Variants in PRKDC observed in about 807,000 individuals in gnomAD.
PRKDC encodes protein kinase, DNA-activated, catalytic subunit.
A neutral mutation model predicts 486.9 loss-of-function variants in PRKDC; 82 were observed. The observed-to-expected ratio is 0.17, with a 90% CI of 0.14 to 0.20. The LOEUF (loss-of-function observed/expected upper bound fraction) is 0.20, where lower values mean the gene tolerates loss of function less well. Ranked by LOEUF, PRKDC falls within the 10% of genes least tolerant of loss-of-function variation. The probability of loss-of-function intolerance (pLI) is 1.00; values close to 1 mark genes in which losing one functional copy is unlikely to be tolerated. For missense variants in PRKDC, 4,504 were observed against 5,038.2 expected (o/e 0.89, Z 3.21); for synonymous variants, 1,895 against 1,837.0 (o/e 1.03, Z -0.81).
intron 39 of PRKDC, among the ~76,000 whole-genome samples, chr8:47,878,563 C>T (rs549979458): frequency 5.9e-5 from 9 of 152,280 alleles, no homozygotes; most frequent in East Asian, 1.9e-4. Context: ...ACACCGTCCT[C>T]GCTACAGAGG....
rs118032022 is a variant in PRKDC, at chr8:47,839,956, G to A, written c.7454+60C>T. ...TGTGCCCCTGTACTCCAGCCTCGTC[G>A]ACAGAGCAAGACCTTATCTCAAAAA... is the stretch of plus-strand genomic sequence containing the variant. On this transcript the variant is annotated intron_variant, in intron 55 of 85. Transcript: ENST00000314191. 1,385 of 1,359,374 alleles carry A rather than the reference G, an allele frequency of 1.0e-3. 23 individuals are homozygous for A. In the East Asian group the frequency reaches 0.026, roughly 25 times the overall value. The allele number at this position is 1,359,374 out of a possible 1,614,324, so 84.2% of individuals were successfully genotyped here.
At position 47,783,813 on chromosome 8, in the gene PRKDC, A is replaced by C; in HGVS notation, c.11108-4T>G. On this transcript the variant is annotated splice_region_variant and splice_polypyrimidine_tract_variant and intron_variant, in intron 77 of 85. Coordinates refer to ENST00000314191, the MANE Select transcript of PRKDC (RefSeq NM_006904.7). The stretch of plus-strand genomic sequence containing the variant: ...TTTCCCCTACCGTCATACTGACCTA[A>C]AACAAACCAGAACCTTGCTTAGGAA... 1.9e-6 allele frequency: 3 copies of C among 1,613,938 alleles called. No individual in the cohort carries two copies. Among genetic ancestry groups the C allele is most frequent in the Non-Finnish European group, 2.5e-6 (3 of 1,179,850 alleles).
intron 54 of PRKDC, among the ~76,000 whole-genome samples, chr8:47,847,513 A>C (rs1427798283): frequency 6.6e-6 from 1 of 152,228 alleles, no homozygotes; most frequent in Non-Finnish European, 1.5e-5. Context: ...TACAGACTTC[A>C]ATGTAAGACT....
chr8:47,898,523 G>A lies in PRKDC; in HGVS notation c.3411C>T (p.Ile1137=). 3.8e-6 allele frequency: 6 copies of A among 1,563,858 alleles called. No homozygotes were observed. The highest frequency in any genetic ancestry group is 5.2e-6 in the Non-Finnish European group (6 of 1,147,576). Residue 1137 remains isoleucine (I), a synonymous_variant, in exon 29 of 86, where the codon ATC becomes ATT. Transcript: ENST00000314191. The part of the protein sequence containing the change: ...CCDAIDHLCR[I]IEKKHVSLNK... Reference sequence around the variant, plus strand: ...TTAAAGAAACATGCTTCTTTTCAATGATGCGGCATAGGTGATCAATGGCAT... The same window carrying A: ...TTAAAGAAACATGCTTCTTTTCAATAATGCGGCATAGGTGATCAATGGCAT...
chr8:47,775,775 G>T (rs944424327), intron 85 of PRKDC, among the ~76,000 whole-genome samples: 3 of 151,164 alleles, frequency 2.0e-5, no homozygotes, highest in Non-Finnish European at 4.4e-5. Context: ...CTAAAAAATG[G>T]CAAGTATCAC....
At chr8:47,789,966 AC>A (rs2086858394) in intron 74 of PRKDC, among the ~76,000 whole-genome samples, 1 of 152,240 alleles carries the variant, frequency 6.6e-6, no homozygotes, top group Admixed American at 6.5e-5. Flanking sequence ...CTAGTGTCAT[AC>A]TGAACACTGA....
intron 40 of PRKDC, among the ~76,000 whole-genome samples, chr8:47,871,603 T>C (rs1176849823): frequency 6.6e-6 from 1 of 152,096 alleles, no homozygotes; most frequent in Non-Finnish European, 1.5e-5. Flanking sequence ...GTTGTTGTTG[T>C]TTTTGTTTTT....
chr8:47,893,030 G>A, intron 31 of PRKDC, 109 bp downstream of exon 31: 3 of 1,295,586 alleles, frequency 2.3e-6, no homozygotes, highest in Non-Finnish European at 3.0e-6. Context: ...CGGGCAAGGT[G>A]GTGCACAGCA....
intron 18 of PRKDC, among the ~76,000 whole-genome samples, 165 bp downstream of exon 18, chr8:47,929,688 G>A (rs1326835969): frequency 1.3e-5 from 2 of 152,200 alleles, no homozygotes; most frequent in East Asian, 3.8e-4. Context: ...TAGCTTTTTA[G>A]AGTGCTATCC....
intron 68 of PRKDC, among the ~76,000 whole-genome samples, chr8:47,814,581 T>C (rs753278268): frequency 1.3e-5 from 2 of 152,036 alleles, no homozygotes; most frequent in Non-Finnish European, 2.9e-5. Flanking sequence ...AATCCATCTA[T>C]AACAGTGCCA....
intron 9 of PRKDC, 41 bp downstream of exon 9, chr8:47,943,812 G>C (rs1235119021): frequency 1.4e-6 from 2 of 1,459,552 alleles, no homozygotes; most frequent in Non-Finnish European, 1.9e-6. Flanking sequence ...TGTTAATTTA[G>C]TAATCTAAAA....
chr8:47,897,362 G>A (rs1287138259), intron 29 of PRKDC, 68 bp from the exon 30 acceptor site: 3 of 1,417,994 alleles, frequency 2.1e-6, no homozygotes, highest in Non-Finnish European at 2.8e-6. Flanking sequence ...CAAGGCTCTA[G>A]AAATCATAAA....
rs1231225809 is a variant in PRKDC at position 47,807,204 on chromosome 8, A to T, written c.9680T>A (p.Ile3227Asn). 1.9e-6 allele frequency: 3 copies of T among 1,613,758 alleles called. No homozygotes were observed. The African/African-American group carries it at 4.0e-5, about 22-fold the overall frequency. The change falls in exon 69 of 86, where the codon ATC becomes AAC. Residue 3227 changes from isoleucine (I) to asparagine (N), a missense_variant. Physicochemically the swap from Ile to Asn is moderately radical, Grantham distance 149 (BLOSUM62 -3). Coordinates refer to ENST00000314191, the MANE Select transcript of PRKDC (RefSeq NM_006904.7). ...CTTGCAACTCCTGATCAGGGAGCTG[A>T]TATCTTCTTCCTGCTCTTGCACTTC... ...RMEVQEQEED[I>N]SSLIRSCKFS...
chr8:47,796,588 A>AT lies in PRKDC; in HGVS notation c.10458+1648dup, dbSNP rs869195900. ...ATATGTGTTGCAAACGTTTTTCTTC[A>AT]TTTTTTTTTTTGTTGTTGTTGTTTT... On this transcript the variant is annotated intron_variant, in intron 73 of 85. Coordinates refer to ENST00000314191, the MANE Select transcript of PRKDC (RefSeq NM_006904.7). 4.1e-3 allele frequency among the ~76,000 whole-genome samples: 575 copies of AT among 139,664 alleles called. 4 individuals carry two copies. Among genetic ancestry groups the AT allele is most frequent in the African/African-American group, 0.013 (488 of 38,084 alleles). 91.6% of individuals were successfully genotyped at this position (139,664 alleles called of 152,430 possible).
Position 47,782,078 on chromosome 8 carries a change from G to T in PRKDC, c.11489+84C>A. ...CGGGGCAGGCAGTGTGGGCTCTCGA[G>T]CGCGCCTGTCACGGCCCCGACCTGC... On this transcript the variant is annotated intron_variant, in intron 80 of 85. Transcript: ENST00000314191. This position sits in a 1 kb window ranked among gnomAD's most constrained non-coding sequence, Gnocchi z 4.9. 1 of 1,237,480 alleles carries T rather than the reference G, an allele frequency of 8.1e-7. No homozygotes were observed. 76.7% of individuals were successfully genotyped at this position (1,237,480 alleles called of 1,614,324 possible). A position where few individuals can be genotyped will look rare whatever the true frequency, so the allele number is the denominator to read the frequency against.
At chr8:47,868,935 C>T (rs1422299971) in intron 40 of PRKDC, among the ~76,000 whole-genome samples, 3 of 152,134 alleles carry the variant, frequency 2.0e-5, no homozygotes, top group Non-Finnish European at 2.9e-5. Context: ...CAGAAACCAA[C>T]CCAGGGCAGA....
chr8:47,934,719 G>C (rs1048869274), intron 14 of PRKDC, among the ~76,000 whole-genome samples: 8 of 152,122 alleles, frequency 5.3e-5, no homozygotes, highest in African/African-American at 1.4e-4. Flanking sequence ...TGGGAACTAA[G>C]ATATGCCTCC....
chr8:47,902,216 AT>A (rs2089698439), intron 27 of PRKDC, among the ~76,000 whole-genome samples: 1 of 152,050 alleles, frequency 6.6e-6, no homozygotes, highest in South Asian at 2.1e-4. Context: ...GCTGACTTCC[AT>A]TTATCCTTCA....
chr8:47,946,741 T>C (rs1225160122), intron 7 of PRKDC, among the ~76,000 whole-genome samples: 1 of 152,146 alleles, frequency 6.6e-6, no homozygotes, highest in African/African-American at 2.4e-5. Context: ...ACACCTGATA[T>C]CTAAGCCTGG....
Sources: gnomAD v4.1 joint callset for allele counts (sites outside exome capture counted in the v4.1 genomes callset) on GRCh38, gnomAD v4.1.1 for gene constraint, Gnocchi (gnomAD v3.1) non-coding constraint, MANE v1.5 for transcripts, NCBI Gene and HGNC (gene_info 2026-07-23, HGNC 2026-07-21) for gene names.